Variants in SNX29 observed in about 807,000 individuals in gnomAD.
SNX29 encodes the protein sorting nexin 29.
Under a neutral mutation model 102.1 loss-of-function variants are expected in SNX29, and 78 were observed. The observed-to-expected ratio is 0.76, with a 90% confidence interval of 0.64 to 0.92. The LOEUF (loss-of-function observed/expected upper bound fraction) is 0.92, where lower values mean the gene tolerates loss of function less well. Among genes scored for constraint, SNX29 ranks in the 40% least tolerant of loss-of-function variants. The pLI is 0.00. For synonymous variants in SNX29, 580 were observed against 414.5 expected, an observed-to-expected ratio of 1.40 and a Z score of -4.85; for missense variants, 1,280 against 1,061.7, an observed-to-expected ratio of 1.21 and a Z score of -2.86.
At chr16:12,333,458 G>C (rs912751739) in intron 15 of SNX29, among the ~76,000 whole-genome samples, 4 of 152,096 alleles carry the variant, frequency 2.6e-5, no homozygotes, top group African/African-American at 7.2e-5. Context: ...TTCCCTGTTT[G>C]AGAGAGAAGA....
chr16:12,262,517 T>C (rs2078805635), intron 14 of SNX29, among the ~76,000 whole-genome samples: 1 of 152,200 alleles, frequency 6.6e-6, no homozygotes, highest in South Asian at 2.1e-4. Flanking sequence ...AGATCGTTGG[T>C]TCGATCCTAA....
At position 12,572,358 on chromosome 16, in the gene SNX29, G is replaced by C. The variant is rs1486356072; in HGVS notation, c.*3729G>C. ...CAGCCTGCCTGGTTGATGGACAGCA[G>C]GCTCTGCCTTCTGGAGGCGGCTTAT... On this transcript the variant is annotated 3_prime_UTR_variant, in exon 21 of 21. Transcript: ENST00000566228. 9.4e-6 allele frequency: 10 copies of C among 1,063,136 alleles called. No individual in the cohort carries two copies. The highest frequency in any genetic ancestry group is 5.3e-5 in the Admixed American group (1 of 18,698). The allele number at this position is 1,063,136 out of a possible 1,614,324, so 65.9% of individuals were successfully genotyped here.
intron 20 of SNX29, among the ~76,000 whole-genome samples, chr16:12,560,513 C>G (rs1400448207): frequency 6.6e-6 from 1 of 152,284 alleles, no homozygotes; most frequent in African/African-American, 2.4e-5. Context: ...CTGTCCTGCC[C>G]TCCACCTTCC....
chr16:12,007,636 G>T (rs1038087395), intron 3 of SNX29, among the ~76,000 whole-genome samples: 1 of 152,186 alleles, frequency 6.6e-6, no homozygotes, highest in Non-Finnish European at 1.5e-5. Context: ...CCCGGCCCTG[G>T]AGTTGAGCTC....
intron 18 of SNX29, among the ~76,000 whole-genome samples, chr16:12,429,678 T>C (rs2085233988): frequency 6.6e-6 from 1 of 152,252 alleles, no homozygotes; most frequent in African/African-American, 2.4e-5. Context: ...TGTCATATCA[T>C]TTCTCTGATT....
chr16:12,280,060 C>T (rs768575812), intron 15 of SNX29, among the ~76,000 whole-genome samples: 2 of 151,962 alleles, frequency 1.3e-5, no homozygotes, highest in Non-Finnish European at 2.9e-5. Flanking sequence ...GGTGTTTGAC[C>T]CTCTGATTGA....
intron 1 of SNX29, among the ~76,000 whole-genome samples, chr16:11,988,111 T>C (rs1233500724): frequency 2.0e-5 from 3 of 151,950 alleles, no homozygotes; most frequent in African/African-American, 4.8e-5. Flanking sequence ...CTGAACAACA[T>C]GGTGAAACCA....
chr16:12,071,283 T>C (rs1371473914), intron 10 of SNX29, among the ~76,000 whole-genome samples: 1 of 152,252 alleles, frequency 6.6e-6, no homozygotes, highest in Non-Finnish European at 1.5e-5. Flanking sequence ...GGTTTTCTTA[T>C]AGGGTTTTTA....
chr16:12,351,065 G>T (rs2081979238), intron 15 of SNX29, among the ~76,000 whole-genome samples: 1 of 152,202 alleles, frequency 6.6e-6, no homozygotes, highest in Non-Finnish European at 1.5e-5. Context: ...TCCCCACTCT[G>T]TCACTTCCTT....
At chr16:12,450,634 C>T (rs576344119) in intron 18 of SNX29, among the ~76,000 whole-genome samples, 12 of 152,118 alleles carry the variant, frequency 7.9e-5, no homozygotes, top group South Asian at 2.1e-4. Flanking sequence ...GGTCAGGCCA[C>T]GGTTACCAAA....
intron 13 of SNX29, among the ~76,000 whole-genome samples, chr16:12,174,352 C>G (rs1161437626): frequency 1.3e-5 from 2 of 152,192 alleles, no homozygotes; most frequent in African/African-American, 2.4e-5. Context: ...GCCTAGTGAC[C>G]TCTTTGACTG....
chr16:12,376,263 C>T lies in SNX29; in HGVS notation c.1899+19984C>T, dbSNP rs575353636. ...GTCCCTGGCACCTTTACTGGCCCCC[C>T]GGGAGCGAGTTGTCACAGGCTGAAT... On this transcript the variant is annotated intron_variant, in intron 16 of 20. Coordinates refer to ENST00000566228, the MANE Select transcript of SNX29 (RefSeq NM_032167.5). Among the ~76,000 whole-genome samples, 61 of 152,226 alleles carry T rather than the reference C, an allele frequency of 4.0e-4. 2 individuals carry two copies. The South Asian group carries it at 0.012, about 29-fold the overall frequency.
At chr16:12,257,555 C>G (rs970338278) in intron 14 of SNX29, among the ~76,000 whole-genome samples, 2 of 152,150 alleles carry the variant, frequency 1.3e-5, no homozygotes, top group African/African-American at 4.8e-5. Flanking sequence ...GCCATCCAGC[C>G]TGGAGTGCAA....
chr16:12,085,133 C>G (rs2052100157), intron 11 of SNX29, among the ~76,000 whole-genome samples: 1 of 152,068 alleles, frequency 6.6e-6, no homozygotes, highest in African/African-American at 2.4e-5. Context: ...CCTCTGGGCC[C>G]TTTCCCCTTG....
At chr16:12,291,279 C>T (rs1396264356) in intron 15 of SNX29, among the ~76,000 whole-genome samples, 2 of 152,202 alleles carry the variant, frequency 1.3e-5, no homozygotes, top group East Asian at 1.9e-4. Context: ...GGAGACCTCA[C>T]AATCATGGCA....
chr16:12,088,784 A>G (rs966372225), intron 11 of SNX29, among the ~76,000 whole-genome samples: 1 of 151,784 alleles, frequency 6.6e-6, no homozygotes, highest in Non-Finnish European at 1.5e-5. Context: ...TTCCTCTACA[A>G]ATAAAAACAT....
intron 14 of SNX29, among the ~76,000 whole-genome samples, chr16:12,238,303 CTTTT>C (rs5815674): frequency 1.5e-5 from 2 of 137,782 alleles, no homozygotes; most frequent in Non-Finnish European, 3.2e-5. Context: ...TGGATGGGCA[CTTTT>C]TTTTTTTTTT....
At chr16:12,467,124 A>C (rs2151778648) in intron 18 of SNX29, among the ~76,000 whole-genome samples, 1 of 152,318 alleles carries the variant, frequency 6.6e-6, no homozygotes, top group Middle Eastern at 3.4e-3. Flanking sequence ...ACTTCTAACT[A>C]GCTCTTTGCT....
At position 12,097,958 on chromosome 16, in the gene SNX29, C is replaced by T. The variant is rs572842142; in HGVS notation, c.1402+19043C>T. On this transcript the variant is annotated intron_variant, in intron 11 of 20. Coordinates refer to ENST00000566228, the MANE Select transcript of SNX29 (RefSeq NM_032167.5). ...TTCATTAAAGTTGGGGGAGCTGCAC[C>T]GCCCTGGAGGAGAGCACCCCAGGCT... is the stretch of plus-strand genomic sequence containing the variant. Among the ~76,000 whole-genome samples the T allele has an allele frequency of 2.6e-5, 4 of 152,326 alleles. No homozygotes were observed. The South Asian group carries it at 8.3e-4, about 32-fold the overall frequency.
Sources: allele counts gnomAD v4.1 joint callset (sites outside exome capture counted in the v4.1 genomes callset), GRCh38; gene constraint gnomAD v4.1.1; transcripts MANE v1.5; gene names NCBI Gene and HGNC (gene_info 2026-07-23, HGNC 2026-07-21).